The following DEPDC5 variants were observed in gnomAD, a reference collection of about 807,000 sequenced individuals.
DEPDC5 encodes DEP domain containing 5, GATOR1 subcomplex subunit.
DEPDC5 carries 73 observed loss-of-function variants against 217.3 expected under a neutral mutation model. The ratio of observed to expected loss-of-function variants is 0.34; its 90% CI spans 0.28 to 0.41. The LOEUF (loss-of-function observed/expected upper bound fraction) is 0.41. DEPDC5 is among the 10% of genes least tolerant of loss of function. The pLI is 1.00. For synonymous variants in DEPDC5, 733 were observed against 756.7 expected, an observed-to-expected ratio of 0.97 and a Z score of 0.51; for missense variants, 1,675 against 2,070.1, an observed-to-expected ratio of 0.81 and a Z score of 3.70.
At chr22:31,784,408 C>T (rs1004381662) in intron 9 of DEPDC5, 3 of 192,578 alleles carry the variant, frequency 1.6e-5, no homozygotes, top group African/African-American at 7.2e-5. Flanking sequence ...GTGGGCGGAT[C>T]ACCTGAGGTC....
intron 9 of DEPDC5, chr22:31,784,586 T>C: frequency 2.4e-6 from 1 of 419,018 alleles, no homozygotes; most frequent in Non-Finnish European, 4.3e-6. Context: ...TGCCACTGCA[T>C]TCCAGCCTGG....
rs775778339 is a variant in DEPDC5, at chr22:31,845,061, C to T, written c.2845C>T (p.Leu949=). ...GTTCTGGAGGACCCGCTTCCTGCTG[C>T]TGCCAGCCTGTGTCACCGCCACCAA... ...LKFWRTRFLL[L]PACVTATKRI... is the part of the protein sequence containing the mutation. The change falls in exon 30 of 43, where the codon CTG becomes TTG. Residue 949 remains leucine (L), a synonymous_variant. Transcript: ENST00000651528. 1.9e-6 allele frequency: 3 copies of T among 1,614,190 alleles called. No individual in the cohort carries two copies. Among genetic ancestry groups the T allele is most frequent in the Non-Finnish European group, 1.7e-6 (2 of 1,180,012 alleles).
chr22:31,850,224 A>G (rs976998400), intron 31 of DEPDC5, among the ~76,000 whole-genome samples: 1 of 151,798 alleles, frequency 6.6e-6, no homozygotes, highest in African/African-American at 2.4e-5. Context: ...AAAATATAAT[A>G]TACATTATAT....
chr22:31,821,412 C>A, intron 22 of DEPDC5, 90 bp from the exon 23 acceptor site: 1 of 1,538,312 alleles, frequency 6.5e-7, no homozygotes, highest in South Asian at 1.2e-5. Context: ...CATCTGTATC[C>A]CAGTAGCTGG....
chr22:31,813,699 A>ATG (rs1491524145), intron 20 of DEPDC5, among the ~76,000 whole-genome samples: 4 of 148,820 alleles, frequency 2.7e-5, no homozygotes, highest in African/African-American at 1.0e-4. Flanking sequence ...ATATATATAT[A>ATG]TGCATATATA....
intron 36 of DEPDC5, chr22:31,875,672 G>A (rs1389606368): frequency 2.3e-5 from 3 of 128,160 alleles, no homozygotes; most frequent in African/African-American, 6.0e-5. Context: ...TCACTTCGTC[G>A]CCTAGGCTGG....
intron 7 of DEPDC5, among the ~76,000 whole-genome samples, chr22:31,771,904 C>T (rs1350613488): frequency 1.3e-5 from 2 of 151,498 alleles, no homozygotes; most frequent in Non-Finnish European, 2.9e-5. Flanking sequence ...CCCATCCCTA[C>T]AAAAAAATAC....
At chr22:31,868,626 C>T (rs924985613) in intron 33 of DEPDC5, among the ~76,000 whole-genome samples, 5 of 152,088 alleles carry the variant, frequency 3.3e-5, no homozygotes, top group South Asian at 2.1e-4. Context: ...GGGGTTTCAC[C>T]GTGTTGCCTA....
chr22:31,798,338 T>G (rs1295889406), intron 13 of DEPDC5, among the ~76,000 whole-genome samples: 1 of 152,086 alleles, frequency 6.6e-6, no homozygotes, highest in Non-Finnish European at 1.5e-5. Context: ...ACCAATATGG[T>G]GAAACCCTGT....
chr22:31,871,089 G>A (rs1445423449), intron 34 of DEPDC5, among the ~76,000 whole-genome samples: 1 of 152,184 alleles, frequency 6.6e-6, no homozygotes, highest in Non-Finnish European at 1.5e-5. Context: ...CTGTCAGTAA[G>A]GAAAAGAACA....
At chr22:31,814,847 C>A in intron 20 of DEPDC5, 145 bp from the exon 21 acceptor site, 1 of 740,924 alleles carries the variant, frequency 1.3e-6, no homozygotes, top group Non-Finnish European at 2.3e-6. Flanking sequence ...TGAAGTACCG[C>A]ATACAGGTTT....
intron 10 of DEPDC5, among the ~76,000 whole-genome samples, chr22:31,786,504 T>C (rs2148437593): frequency 6.6e-6 from 1 of 152,058 alleles, no homozygotes; most frequent in East Asian, 1.9e-4. Context: ...TTTATTCTTT[T>C]TGAGATGGAG....
At chr22:31,860,125 T>TG (rs1193899922) in intron 32 of DEPDC5, among the ~76,000 whole-genome samples, 1 of 152,176 alleles carries the variant, frequency 6.6e-6, no homozygotes, top group African/African-American at 2.4e-5. Context: ...TCCACATGCA[T>TG]GACCCATCAG....
intron 24 of DEPDC5, among the ~76,000 whole-genome samples, chr22:31,823,820 A>G (rs2089925416): frequency 6.6e-6 from 1 of 152,212 alleles, no homozygotes; most frequent in Non-Finnish European, 1.5e-5. Flanking sequence ...CTCTCAAACC[A>G]ATAGCCAGGT....
chr22:31,764,020 C>T (rs1463640546), intron 4 of DEPDC5, among the ~76,000 whole-genome samples: 1 of 151,960 alleles, frequency 6.6e-6, no homozygotes, highest in Non-Finnish European at 1.5e-5. Flanking sequence ...ACTTCCACCT[C>T]CTAGGTTCAA....
At chr22:31,773,127 T>G (rs1158565807) in intron 7 of DEPDC5, among the ~76,000 whole-genome samples, 3 of 152,168 alleles carry the variant, frequency 2.0e-5, no homozygotes, top group African/African-American at 7.2e-5. Context: ...GTAAATACCC[T>G]CATACACACA....
Position 31,876,201 on chromosome 22 carries a change from C to A in DEPDC5, c.3741C>A (p.Ala1247=). The A allele has an allele frequency of 1.2e-6, 2 of 1,614,166 alleles. No individual in the cohort carries two copies. The highest frequency in any genetic ancestry group is 1.7e-6 in the Non-Finnish European group (2 of 1,180,018). The part of the protein sequence containing the change: ...EQLITHASGE[A]WRTFIYGFYF... ...TCATCACACATGCATCTGGCGAAGC[C>A]TGGCGGACCTTCATCTACGGCTTCT... is the stretch of plus-strand genomic sequence containing the variant. Residue 1247 remains alanine, a synonymous_variant, in exon 37 of 43, where the codon GCC becomes GCA. Transcript: ENST00000651528.
intron 40 of DEPDC5, among the ~76,000 whole-genome samples, chr22:31,900,704 A>T (rs1314486311): frequency 1.3e-5 from 2 of 151,462 alleles, no homozygotes; most frequent in Non-Finnish European, 2.9e-5. Context: ...GTGCCATTGC[A>T]CTCCAGCCTG....
chr22:31,887,445 A>G (rs2149343427), intron 38 of DEPDC5, among the ~76,000 whole-genome samples: 1 of 151,392 alleles, frequency 6.6e-6, no homozygotes, highest in African/African-American at 2.4e-5. Flanking sequence ...AAAAAGAGAA[A>G]AGTCATATGT....
Sources: allele counts gnomAD v4.1 joint callset (sites outside exome capture counted in the v4.1 genomes callset), GRCh38; gene constraint gnomAD v4.1.1; transcripts MANE v1.5; gene names NCBI Gene and HGNC (gene_info 2026-07-23, HGNC 2026-07-21).